STIM2: variants seen among roughly 807,000 people sequenced by gnomAD.
STIM2 encodes the protein stromal interaction molecule 2.
STIM2 carries 31 observed loss-of-function variants against 85.8 expected under a neutral mutation model. The ratio of observed to expected loss-of-function variants is 0.36; its 90% CI spans 0.27 to 0.49. STIM2 has a LOEUF of 0.49. Ranked by LOEUF, STIM2 falls within the 20% of genes least tolerant of loss-of-function variation. The pLI is 0.98. For synonymous variants in STIM2, 356 were observed against 331.1 expected, an observed-to-expected ratio of 1.08 and a Z score of -0.82; for missense variants, 841 against 927.6, an observed-to-expected ratio of 0.91 and a Z score of 1.21.
chr4:27,006,963 C>A (rs1419427354), intron 7 of STIM2, among the ~76,000 whole-genome samples: 1 of 151,954 alleles, frequency 6.6e-6, no homozygotes, highest in Non-Finnish European at 1.5e-5. Context: ...AATAACTGGC[C>A]ATAAAGAGGA....
Position 27,008,488 on chromosome 4 carries a change from T to C in STIM2, c.1210T>C (p.Ser404Pro). Residue 404 changes from serine (S) to proline (P), a missense_variant, in exon 9 of 12, where the codon TCC becomes CCC. Physicochemically the swap from Ser to Pro is moderately conservative, Grantham distance 74. Coordinates refer to ENST00000467087, the MANE Select transcript of STIM2 (RefSeq NM_020860.4). Reference sequence around the variant, plus strand: ...TGGGACTCTGCACGTTGCACACAGCTCCTCCCTAGATGAGGTAGACCACAA... The same window carrying C: ...TGGGACTCTGCACGTTGCACACAGCCCCTCCCTAGATGAGGTAGACCACAA... 1 of 1,604,288 alleles carries C rather than the reference T, an allele frequency of 6.2e-7. No individual in the cohort carries two copies.
At chr4:26,935,990 G>C (rs994975594) in intron 2 of STIM2, among the ~76,000 whole-genome samples, 1 of 151,952 alleles carries the variant, frequency 6.6e-6, no homozygotes, top group African/African-American at 2.4e-5. Flanking sequence ...AAATTTCTTT[G>C]TATGTTTTAT....
intron 2 of STIM2, among the ~76,000 whole-genome samples, chr4:26,931,519 T>C (rs1725204008): frequency 6.6e-6 from 1 of 152,196 alleles, no homozygotes; most frequent in African/African-American, 2.4e-5. Context: ...TAAAACCCAT[T>C]GTGTTCATCT....
At chr4:26,987,875 T>C (rs1727637700) in intron 3 of STIM2, among the ~76,000 whole-genome samples, 1 of 152,282 alleles carries the variant, frequency 6.6e-6, no homozygotes, top group Admixed American at 6.5e-5. Context: ...AGAGAAAATA[T>C]GTTTCAAGTT....
chr4:26,952,370 T>A (rs1726086032), intron 2 of STIM2, among the ~76,000 whole-genome samples: 1 of 152,136 alleles, frequency 6.6e-6, no homozygotes, highest in African/African-American at 2.4e-5. Context: ...TCACACTGTC[T>A]TCATTCGTGT....
intron 3 of STIM2, among the ~76,000 whole-genome samples, chr4:26,958,647 A>G (rs1726335880): frequency 6.6e-6 from 1 of 152,134 alleles, no homozygotes; most frequent in African/African-American, 2.4e-5. Context: ...AAGAAAGAAG[A>G]AAACAATTAT....
chr4:26,916,857 T>G (rs1238180627), intron 1 of STIM2, among the ~76,000 whole-genome samples: 1 of 152,198 alleles, frequency 6.6e-6, no homozygotes, highest in Non-Finnish European at 1.5e-5. Flanking sequence ...TAGAAAACTT[T>G]TACCTAACAT....
intron 1 of STIM2, among the ~76,000 whole-genome samples, chr4:26,917,226 T>A (rs1724617000): frequency 6.6e-6 from 1 of 152,184 alleles, no homozygotes; most frequent in Non-Finnish European, 1.5e-5. Flanking sequence ...AAATTTCAAA[T>A]CCCTTGACAT....
At position 26,910,959 on chromosome 4, in the gene STIM2, G is replaced by A. The variant is rs149569427; in HGVS notation, c.152-8545G>A. 5.0e-3 allele frequency among the ~76,000 whole-genome samples: 757 copies of A among 152,250 alleles called. 5 individuals carry two copies. Among genetic ancestry groups the A allele is most frequent in the Middle Eastern group, 0.027 (8 of 294 alleles). ...TAGTCTGTTTAAAGCATTTGAGGTC[G>A]GGTGCAGTGGCTCACGCCTGTAATC... On this transcript the variant is annotated intron_variant, in intron 1 of 11. Transcript: ENST00000467087.
intron 1 of STIM2, among the ~76,000 whole-genome samples, chr4:26,862,204 T>C (rs1722238614): frequency 6.6e-6 from 1 of 152,170 alleles, no homozygotes. Context: ...AATTGTATCC[T>C]TTTTAAAGCC....
chr4:26,945,943 G>A (rs1466985403), intron 2 of STIM2, among the ~76,000 whole-genome samples: 2 of 152,138 alleles, frequency 1.3e-5, no homozygotes. Flanking sequence ...TTATAGTGAT[G>A]TCAGTTAGAT....
intron 1 of STIM2, among the ~76,000 whole-genome samples, chr4:26,894,390 A>G (rs1427674475): frequency 6.6e-6 from 1 of 151,956 alleles, no homozygotes; most frequent in Non-Finnish European, 1.5e-5. Flanking sequence ...ATCCTTTTCT[A>G]TTCTGTCTTT....
intron 1 of STIM2, among the ~76,000 whole-genome samples, chr4:26,882,231 C>T (rs1301892198): frequency 1.3e-5 from 2 of 152,086 alleles, no homozygotes; most frequent in Admixed American, 1.3e-4. Flanking sequence ...TATGGTGATT[C>T]TTGTAAAAAT....
intron 1 of STIM2, among the ~76,000 whole-genome samples, chr4:26,888,607 C>T (rs1221136568): frequency 2.0e-5 from 3 of 152,178 alleles, no homozygotes; most frequent in Middle Eastern, 3.2e-3. Context: ...TTTTCCCTTT[C>T]CCTTAGCAAG....
chr4:27,010,180 G>A (rs925119806), intron 10 of STIM2, among the ~76,000 whole-genome samples: 3 of 152,114 alleles, frequency 2.0e-5, no homozygotes, highest in African/African-American at 4.8e-5. Context: ...GGCCAGGCAC[G>A]GTGGCCTGTA....
intron 3 of STIM2, among the ~76,000 whole-genome samples, chr4:26,958,712 C>G (rs1726339569): frequency 6.6e-6 from 1 of 152,038 alleles, no homozygotes; most frequent in Non-Finnish European, 1.5e-5. Flanking sequence ...TTTCTCTTCC[C>G]TACACCATTT....
At chr4:26,867,004 G>C (rs952139337) in intron 1 of STIM2, among the ~76,000 whole-genome samples, 1 of 152,104 alleles carries the variant, frequency 6.6e-6, no homozygotes, top group Non-Finnish European at 1.5e-5. Context: ...CTTTGTGTTT[G>C]AGAAAGCTAA....
intron 10 of STIM2, among the ~76,000 whole-genome samples, chr4:27,013,489 A>G (rs1313699443): frequency 6.6e-6 from 1 of 151,870 alleles, no homozygotes; most frequent in African/African-American, 2.4e-5. Context: ...GGAATACTAT[A>G]CTCCTTATTC....
chr4:26,959,754 CG>C (rs1413509980), intron 3 of STIM2, among the ~76,000 whole-genome samples: 1 of 150,186 alleles, frequency 6.7e-6, no homozygotes, highest in African/African-American at 2.4e-5. Context: ...AGTTGAATGA[CG>C]TCTTAAACCT....
Sources: gnomAD v4.1 joint callset for allele counts (sites outside exome capture counted in the v4.1 genomes callset) on GRCh38, gnomAD v4.1.1 for gene constraint, MANE v1.5 for transcripts, NCBI Gene and HGNC (gene_info 2026-07-23, HGNC 2026-07-21) for gene names.